Variants in ADAM2 observed in about 807,000 individuals in gnomAD.
ADAM2 encodes disintegrin and metalloproteinase domain-containing protein 2.
A neutral mutation model predicts 99.3 loss-of-function variants in ADAM2; 101 were observed. The observed-to-expected ratio is 1.02, with a 90% CI of 0.87 to 1.20. The LOEUF (loss-of-function observed/expected upper bound fraction) is 1.20. Ranked by LOEUF, ADAM2 falls within the 50% of genes most tolerant of loss-of-function variation. The pLI, the probability that ADAM2 is intolerant of heterozygous loss-of-function variation, is 0.00. For missense variants in ADAM2, 948 were observed against 878.7 expected (o/e 1.08, Z -1.00); for synonymous variants, 323 against 287.6 (o/e 1.12, Z -1.25).
intron 11 of ADAM2, among the ~76,000 whole-genome samples, chr8:39,776,213 A>C (rs1021779925): frequency 6.6e-6 from 1 of 152,076 alleles, no homozygotes; most frequent in Non-Finnish European, 1.5e-5. Context: ...CCTTTCATAA[A>C]GGTTTGTTTT....
chr8:39,795,999 A>G (rs534147648), intron 7 of ADAM2, among the ~76,000 whole-genome samples: 1 of 152,248 alleles, frequency 6.6e-6, no homozygotes, highest in East Asian at 1.9e-4. Flanking sequence ...GGGAAGCTGT[A>G]GAGAGAAAAA....
chr8:39,819,857 C>G (rs992311870), intron 6 of ADAM2, among the ~76,000 whole-genome samples: 27 of 25,884 alleles, frequency 1.0e-3, no homozygotes, highest in African/African-American at 4.4e-3. Context: ...ATATATATCT[C>G]CTATTGGTTT....
chr8:39,772,109 TAA>T (rs201824657), intron 11 of ADAM2, among the ~76,000 whole-genome samples: 14 of 127,514 alleles, frequency 1.1e-4, no homozygotes, highest in Admixed American at 1.6e-4. Flanking sequence ...GAGAGAACGG[TAA>T]AAAAAAAAAA....
chr8:39,819,348 C>T (rs1375518569), intron 6 of ADAM2, among the ~76,000 whole-genome samples: 3 of 152,012 alleles, frequency 2.0e-5, no homozygotes, highest in Non-Finnish European at 4.4e-5. Flanking sequence ...ATTTCTACCT[C>T]ATCCAATAAA....
chr8:39,768,820 A>AG (rs1234642427), intron 12 of ADAM2, among the ~76,000 whole-genome samples: 1 of 152,126 alleles, frequency 6.6e-6, no homozygotes, highest in Non-Finnish European at 1.5e-5. Flanking sequence ...GACTTCAGGG[A>AG]GGGGAAAATA....
chr8:39,824,440 A>G (rs372100830), intron 4 of ADAM2, among the ~76,000 whole-genome samples: 1 of 152,164 alleles, frequency 6.6e-6, no homozygotes, highest in East Asian at 1.9e-4. Context: ...GTGAAACTTC[A>G]TGTGTACTTA....
At chr8:39,782,774 C>A (rs549052599) in intron 10 of ADAM2, among the ~76,000 whole-genome samples, 3 of 151,950 alleles carry the variant, frequency 2.0e-5, no homozygotes, top group South Asian at 2.1e-4. Flanking sequence ...AAATAAGATA[C>A]CCATTTTGGT....
At chr8:39,800,294 G>A (rs1804146295) in intron 7 of ADAM2, among the ~76,000 whole-genome samples, 1 of 152,098 alleles carries the variant, frequency 6.6e-6, no homozygotes, top group African/African-American at 2.4e-5. Flanking sequence ...TGCTTAATTT[G>A]GCTGGATATT....
At chr8:39,800,469 A>T (rs1804156461) in intron 7 of ADAM2, among the ~76,000 whole-genome samples, 2 of 152,084 alleles carry the variant, frequency 1.3e-5, no homozygotes, top group South Asian at 4.2e-4. Flanking sequence ...TTTTTCCTTC[A>T]TTTCAACCTT....
At chr8:39,758,651 AG>A (rs913167826) in intron 15 of ADAM2, among the ~76,000 whole-genome samples, 3 of 152,068 alleles carry the variant, frequency 2.0e-5, no homozygotes, top group African/African-American at 7.2e-5. Context: ...TTCTAAGAAA[AG>A]GAACCAAGGC....
intron 5 of ADAM2, 84 bp from the exon 6 acceptor site, chr8:39,821,254 T>A (rs1805176541): frequency 2.1e-6 from 2 of 953,144 alleles, no homozygotes; most frequent in African/African-American, 3.3e-5. Context: ...TATTTTTTCA[T>A]GGTATGCAGA....
intron 11 of ADAM2, among the ~76,000 whole-genome samples, chr8:39,773,190 C>T (rs1183442067): frequency 2.0e-5 from 3 of 151,626 alleles, no homozygotes; most frequent in African/African-American, 7.3e-5. Flanking sequence ...TCTAAAATAG[C>T]TAGACAAAGA....
rs546960042 is a variant in ADAM2, at chr8:39,778,504, T to G, written c.892-1343A>C. The stretch of plus-strand genomic sequence containing the variant: ...CTGTGACTCTGATAAAATGACTCTC[T>G]TCCCTCCATCAACACTTGGTACCAA... On this transcript the variant is annotated intron_variant, in intron 10 of 20. Coordinates refer to ENST00000265708, the MANE Select transcript of ADAM2 (RefSeq NM_001464.5). Among the ~76,000 whole-genome samples, 8 of 152,222 alleles carry G rather than the reference T, an allele frequency of 5.3e-5. No homozygotes were observed. In the East Asian group the frequency reaches 1.5e-3, roughly 29 times the overall value.
chr8:39,785,196 A>G (rs184700175), intron 10 of ADAM2, among the ~76,000 whole-genome samples: 3 of 152,328 alleles, frequency 2.0e-5, no homozygotes, highest in Admixed American at 1.3e-4. Flanking sequence ...GTTACATTTA[A>G]ATATTTAATC....
chr8:39,837,313 G>T, intron 1 of ADAM2, 101 bp from the exon 2 acceptor site: 9 of 658,250 alleles, frequency 1.4e-5, no homozygotes, highest in South Asian at 8.1e-5. Context: ...TCTATACGCT[G>T]CTTCTCATTT....
At chr8:39,772,684 AC>A (rs1324598005) in intron 11 of ADAM2, among the ~76,000 whole-genome samples, 5 of 152,042 alleles carry the variant, frequency 3.3e-5, no homozygotes, top group African/African-American at 1.2e-4. Flanking sequence ...TTCTTTATCA[AC>A]CACATTTCAA....
chr8:39,797,379 G>A (rs1263451615), intron 7 of ADAM2, among the ~76,000 whole-genome samples: 1 of 152,074 alleles, frequency 6.6e-6, no homozygotes, highest in Non-Finnish European at 1.5e-5. Flanking sequence ...AGTTATTTAT[G>A]AGGTCTCTGT....
At chr8:39,744,916 ATAT>A in intron 19 of ADAM2, 23 bp from the exon 20 acceptor site, 3 of 1,559,810 alleles carry the variant, frequency 1.9e-6, no homozygotes, top group South Asian at 1.2e-5. Flanking sequence ...AATAAAAATA[ATAT>A]TATACTTTCT....
chr8:39,783,828 T>C (rs1449318713), intron 10 of ADAM2, among the ~76,000 whole-genome samples: 2 of 151,996 alleles, frequency 1.3e-5, no homozygotes, highest in African/African-American at 4.8e-5. Flanking sequence ...GCCGGGCACC[T>C]GTAGTCCCAG....
Sources: allele counts gnomAD v4.1 joint callset (sites outside exome capture counted in the v4.1 genomes callset), GRCh38; gene constraint gnomAD v4.1.1; transcripts MANE v1.5; gene names NCBI Gene and HGNC (gene_info 2026-07-23, HGNC 2026-07-21).